CEP350: variants seen among roughly 807,000 people sequenced by gnomAD.
The protein encoded by CEP350 is centrosomal protein 350.
In CEP350, 126 loss-of-function variants were observed where a neutral mutation model predicts 331.8. That is an observed-to-expected ratio of 0.38 (90% CI 0.33 to 0.44). The LOEUF (loss-of-function observed/expected upper bound fraction) is 0.44, where lower values mean the gene tolerates loss of function less well. CEP350 is among the 20% of genes least tolerant of loss of function. CEP350 has a pLI of 1.00. For synonymous variants in CEP350, 1,200 were observed against 1,259.5 expected (o/e 0.95, Z 1.00); for missense variants, 3,406 against 3,634.6 (o/e 0.94, Z 1.62).
intron 5 of CEP350, 111 bp downstream of exon 5, chr1:179,992,332 ATAATACTC>A: frequency 1.2e-6 from 1 of 821,080 alleles, no homozygotes; most frequent in South Asian, 3.2e-5. Context: ...GTGAAATAGT[ATAATACTC>A]TAATATTACT....
intron 1 of CEP350, among the ~76,000 whole-genome samples, chr1:179,972,790 A>G (rs1030539199): frequency 1.3e-5 from 2 of 151,940 alleles, no homozygotes; most frequent in African/African-American, 2.4e-5. Flanking sequence ...TTTTAATGAG[A>G]GTTATTCAGA....
At chr1:180,037,505 T>A (rs2148901540) in intron 17 of CEP350, among the ~76,000 whole-genome samples, 1 of 151,972 alleles carries the variant, frequency 6.6e-6, no homozygotes, top group Middle Eastern at 3.4e-3. Context: ...GGACTTTTCC[T>A]TAGCAAACAA....
intron 5 of CEP350, among the ~76,000 whole-genome samples, chr1:179,994,654 G>A (rs1440813507): frequency 2.0e-5 from 3 of 151,280 alleles, no homozygotes; most frequent in Non-Finnish European, 3.0e-5. Flanking sequence ...GGTTTTTGCC[G>A]TGTTGCCCAG....
chr1:180,031,316 A>G lies in CEP350; in HGVS notation c.3551-4A>G, dbSNP rs1368044829. Reference sequence around the variant, plus strand: ...ATCAGCTTTATAAGAAATTTACTTTACAGGGTTGGATTCATTCACTGGAAA... The same window carrying G: ...ATCAGCTTTATAAGAAATTTACTTTGCAGGGTTGGATTCATTCACTGGAAA... On this transcript the variant is annotated splice_polypyrimidine_tract_variant and splice_region_variant and intron_variant, in intron 14 of 37. Coordinates refer to ENST00000367607, the MANE Select transcript of CEP350 (RefSeq NM_014810.5). The G allele has an allele frequency of 1.3e-6, 2 of 1,582,554 alleles. No individual in the cohort carries two copies. The highest frequency in any genetic ancestry group is 2.3e-5 in the East Asian group (1 of 43,682).
chr1:180,074,468 C>A (rs1659096520), intron 27 of CEP350, among the ~76,000 whole-genome samples: 1 of 152,156 alleles, frequency 6.6e-6, no homozygotes, highest in Admixed American at 6.5e-5. Context: ...GACATTGTAT[C>A]TCTTAGGTAA....
rs369284195 is a variant in CEP350 at position 180,051,831 on chromosome 1, A to G, written c.4793-1139A>G. Among the ~76,000 whole-genome samples, 7 of 152,340 alleles carry G rather than the reference A, an allele frequency of 4.6e-5. No individual in the cohort carries two copies. The East Asian group carries it at 5.8e-4, about 13-fold the overall frequency. Reference sequence around the variant, plus strand: ...TACAAAAGGAACGGTACATAAACCTATACTCTAATTGGATAATAGTTTTTC... The same window carrying G: ...TACAAAAGGAACGGTACATAAACCTGTACTCTAATTGGATAATAGTTTTTC... On this transcript the variant is annotated intron_variant, in intron 22 of 37. Transcript: ENST00000367607.
At position 180,087,665 on chromosome 1, in the gene CEP350, C is replaced by A; in HGVS notation, c.6373C>A (p.Leu2125Ile). Residue 2125 changes from leucine to isoleucine, a missense_variant, in exon 32 of 38, where the codon CTC (leucine) becomes ATC (isoleucine). Leu to Ile is a conservative substitution (Grantham distance 5). Transcript: ENST00000367607. ...AACAGCCAAGCCTCAGATTAAAACGCTCTCCTCAGCTTCTGAAAAACCCAA... is the reference window on the plus strand; with the variant it reads ...AACAGCCAAGCCTCAGATTAAAACGATCTCCTCAGCTTCTGAAAAACCCAA... ...SPTAKPQIKT[L>I]SSASEKPKIK... 1 of 1,580,172 alleles carries A rather than the reference C, an allele frequency of 6.3e-7. No individual in the cohort carries two copies. The highest frequency in any genetic ancestry group is 8.6e-7 in the Non-Finnish European group (1 of 1,161,418).
chr1:179,980,817 A>G (rs901194985), intron 1 of CEP350, among the ~76,000 whole-genome samples: 4 of 152,146 alleles, frequency 2.6e-5, no homozygotes, highest in African/African-American at 9.7e-5. Flanking sequence ...TAGGTACTCA[A>G]AAAACATTGT....
At chr1:180,102,973 G>T (rs1288605215) in intron 37 of CEP350, among the ~76,000 whole-genome samples, 1 of 152,176 alleles carries the variant, frequency 6.6e-6, no homozygotes, top group Admixed American at 6.5e-5. Context: ...AGTTTAATAG[G>T]CAGAAGAAAT....
intron 37 of CEP350, among the ~76,000 whole-genome samples, chr1:180,103,332 C>G (rs1660934954): frequency 6.6e-6 from 1 of 152,032 alleles, no homozygotes; most frequent in Non-Finnish European, 1.5e-5. Context: ...CTTGTGCAAG[C>G]TTCCAGCTTG....
At chr1:180,064,301 A>T (rs1330889349) in intron 26 of CEP350, among the ~76,000 whole-genome samples, 1 of 151,968 alleles carries the variant, frequency 6.6e-6, no homozygotes, top group Non-Finnish European at 1.5e-5. Context: ...TGCCCTCTTC[A>T]TCCTACTCAG....
intron 24 of CEP350, 28 bp from the exon 25 acceptor site, chr1:180,054,387 T>G (rs748582010): frequency 1.7e-5 from 25 of 1,502,878 alleles, no homozygotes; most frequent in Non-Finnish European, 2.2e-5. Flanking sequence ...AATCAAATCT[T>G]TGTCTCAATG....
intron 27 of CEP350, among the ~76,000 whole-genome samples, chr1:180,070,707 A>T (rs562221985): frequency 2.6e-5 from 4 of 152,344 alleles, no homozygotes; most frequent in Non-Finnish European, 5.9e-5. Context: ...AGATTTTTTT[A>T]AAACCTAAAT....
intron 6 of CEP350, 91 bp downstream of exon 6, chr1:179,997,266 A>G (rs1283690248): frequency 7.0e-7 from 1 of 1,421,606 alleles, no homozygotes; most frequent in Non-Finnish European, 9.5e-7. Flanking sequence ...TCACCTTTAG[A>G]ACAGGATGTT....
intron 11 of CEP350, among the ~76,000 whole-genome samples, chr1:180,017,601 C>T (rs1655055005): frequency 6.6e-6 from 1 of 152,198 alleles, no homozygotes; most frequent in African/African-American, 2.4e-5. Context: ...CAGTTTCTCA[C>T]TTTTCTTTTA....
intron 7 of CEP350, among the ~76,000 whole-genome samples, chr1:180,004,877 T>TGGCTGGCTGGCTGGCTGGCTGGCTG (rs1558092840): frequency 1.4e-5 from 1 of 72,884 alleles, no homozygotes; most frequent in African/African-American, 5.2e-5. Flanking sequence ...CTGGCTGGCT[T>TGGCTGGCTGGCTGGCTGGCTGGCTG]GCTTGCTTGC....
At chr1:179,983,068 C>T (rs562896426) in intron 1 of CEP350, among the ~76,000 whole-genome samples, 54 of 152,244 alleles carry the variant, frequency 3.5e-4, no homozygotes, top group African/African-American at 1.3e-3. Context: ...GGATTACAGG[C>T]GTGAGCCACC....
chr1:180,097,420 A>G (rs1660545095), intron 36 of CEP350, among the ~76,000 whole-genome samples: 1 of 152,238 alleles, frequency 6.6e-6, no homozygotes, highest in African/African-American at 2.4e-5. Context: ...TTCACAATTG[A>G]AAATGCTTGA....
intron 21 of CEP350, among the ~76,000 whole-genome samples, chr1:180,045,320 T>C (rs902720655): frequency 6.6e-6 from 1 of 151,964 alleles, no homozygotes; most frequent in Non-Finnish European, 1.5e-5. Flanking sequence ...CCAGCCTGGG[T>C]GACAGAGTGA....
Sources: allele counts gnomAD v4.1 joint callset (sites outside exome capture counted in the v4.1 genomes callset), GRCh38; gene constraint gnomAD v4.1.1; transcripts MANE v1.5; gene names NCBI Gene and HGNC (gene_info 2026-07-23, HGNC 2026-07-21).